SORCS3: variants seen among roughly 807,000 people sequenced by gnomAD.
The protein encoded by SORCS3 is VPS10 domain-containing receptor SorCS3.
Under a neutral mutation model 146.3 loss-of-function variants are expected in SORCS3, and 57 were observed. The observed-to-expected ratio is 0.39, with a 90% CI of 0.31 to 0.49. SORCS3 has a LOEUF of 0.49. SORCS3 is among the 20% of genes least tolerant of loss of function. The pLI is 0.92. For missense variants in SORCS3, 1,341 were observed against 1,575.5 expected, an observed-to-expected ratio of 0.85 and a Z score of 2.52; for synonymous variants, 653 against 618.5, an observed-to-expected ratio of 1.06 and a Z score of -0.83.
At chr10:104,744,571 T>C (rs1424313013) in intron 1 of SORCS3, among the ~76,000 whole-genome samples, 2 of 152,194 alleles carry the variant, frequency 1.3e-5, no homozygotes, top group Non-Finnish European at 2.9e-5. Flanking sequence ...CATTTGAAAC[T>C]TGCTTAAAAC....
At chr10:104,870,597 T>C (rs1490122688) in intron 2 of SORCS3, among the ~76,000 whole-genome samples, 1 of 152,122 alleles carries the variant, frequency 6.6e-6, no homozygotes, top group African/African-American at 2.4e-5. Flanking sequence ...GCTTTAGGTC[T>C]GAGGACAGCA....
At chr10:104,826,602 C>A (rs774481470) in intron 1 of SORCS3, among the ~76,000 whole-genome samples, 11 of 152,106 alleles carry the variant, frequency 7.2e-5, no homozygotes, top group Non-Finnish European at 1.3e-4. Flanking sequence ...ATTACCCGAG[C>A]CTTTAGTGAG....
intron 6 of SORCS3, among the ~76,000 whole-genome samples, chr10:105,093,956 A>G (rs1016445122): frequency 1.3e-5 from 2 of 152,230 alleles, no homozygotes; most frequent in African/African-American, 4.8e-5. Context: ...AGATTTATTA[A>G]TAATCACCAA....
At chr10:104,680,747 C>G (rs949485908) in intron 1 of SORCS3, among the ~76,000 whole-genome samples, 10 of 152,228 alleles carry the variant, frequency 6.6e-5, no homozygotes, top group African/African-American at 2.4e-4. Context: ...GAGGCCTTGG[C>G]CCATGACTTC....
intron 1 of SORCS3, among the ~76,000 whole-genome samples, chr10:104,736,890 C>G (rs1028825290): frequency 6.6e-6 from 1 of 151,894 alleles, no homozygotes; most frequent in Non-Finnish European, 1.5e-5. Flanking sequence ...ATTAACTCGT[C>G]ATTTAGCATT....
intron 4 of SORCS3, among the ~76,000 whole-genome samples, chr10:105,039,448 T>TCC: frequency 1.4e-5 from 2 of 140,906 alleles, no homozygotes; most frequent in South Asian, 2.3e-4. Context: ...GCTCTCTCGC[T>TCC]CTCTTTTTTT....
chr10:105,195,210 G>T (rs1270863928), intron 14 of SORCS3, among the ~76,000 whole-genome samples: 1 of 152,182 alleles, frequency 6.6e-6, no homozygotes, highest in Admixed American at 6.5e-5. Flanking sequence ...GAAGTGTGCT[G>T]TACCTATTTT....
At chr10:104,783,351 A>C (rs2017396421) in intron 1 of SORCS3, among the ~76,000 whole-genome samples, 1 of 152,202 alleles carries the variant, frequency 6.6e-6, no homozygotes, top group Admixed American at 6.5e-5. Flanking sequence ...ACCCTGGAAG[A>C]AGTGTTTGCT....
intron 20 of SORCS3, among the ~76,000 whole-genome samples, chr10:105,243,878 G>T (rs1336113631): frequency 6.6e-6 from 1 of 152,164 alleles, no homozygotes; most frequent in African/African-American, 2.4e-5. Context: ...TTACAGTAGG[G>T]ACACCATCTG....
intron 14 of SORCS3, among the ~76,000 whole-genome samples, chr10:105,195,234 T>C (rs2056537512): frequency 6.6e-6 from 1 of 152,146 alleles, no homozygotes; most frequent in Non-Finnish European, 1.5e-5. Flanking sequence ...GGTAACAGGC[T>C]CTCCTTAACT....
At chr10:104,766,473 G>A (rs1013611877) in intron 1 of SORCS3, among the ~76,000 whole-genome samples, 2 of 152,218 alleles carry the variant, frequency 1.3e-5, no homozygotes, top group African/African-American at 4.8e-5. Context: ...TGTCTCATGT[G>A]AGCTTTGTGG....
At chr10:104,708,884 C>T (rs2016380287) in intron 1 of SORCS3, among the ~76,000 whole-genome samples, 1 of 152,176 alleles carries the variant, frequency 6.6e-6, no homozygotes, top group Non-Finnish European at 1.5e-5. Flanking sequence ...TTTTTAATTG[C>T]TAGAGACTTC....
intron 2 of SORCS3, among the ~76,000 whole-genome samples, chr10:104,857,547 CCAATGATCTGATGTT>C (rs1367979129): frequency 6.6e-6 from 1 of 152,092 alleles, no homozygotes; most frequent in Non-Finnish European, 1.5e-5. Flanking sequence ...TGTAGAATGT[CCAATGATCTGATGTT>C]CAATGCATCC....
intron 6 of SORCS3, among the ~76,000 whole-genome samples, chr10:105,099,789 G>A (rs971843269): frequency 2.0e-5 from 3 of 152,160 alleles, no homozygotes; most frequent in African/African-American, 7.2e-5. Context: ...AAGGGCGTCA[G>A]ATTTTCTCCA....
At chr10:104,809,914 C>T (rs2017722053) in intron 1 of SORCS3, among the ~76,000 whole-genome samples, 1 of 152,216 alleles carries the variant, frequency 6.6e-6, no homozygotes, top group African/African-American at 2.4e-5. Context: ...TACACAGTGT[C>T]CTTTATTTGA....
At chr10:104,842,168 C>G (rs547989664) in intron 1 of SORCS3, among the ~76,000 whole-genome samples, 4 of 152,312 alleles carry the variant, frequency 2.6e-5, no homozygotes, top group Non-Finnish European at 5.9e-5. Context: ...AGAAAGTGGT[C>G]ATGGAGTCCA....
chr10:105,052,804 G>A (rs765905400), intron 5 of SORCS3, among the ~76,000 whole-genome samples: 14 of 152,104 alleles, frequency 9.2e-5, no homozygotes, highest in Non-Finnish European at 8.8e-5. Context: ...AGGCTTGGAG[G>A]CTGTTTGAAA....
In SORCS3 at chr10:104,641,568, C is replaced by A; in HGVS notation, c.241C>A (p.Leu81Met). ...GGCGTCGGCGCGGAGAGCCGCCGTG[C>A]TGGGGCGCCGGGCCGGACCAGAGCT... is the stretch of plus-strand genomic sequence containing the variant. ...ELASARRAAVLGRRAGPELLP... is the reference protein window; with the variant it reads ...ELASARRAAVMGRRAGPELLP... Residue 81 changes from leucine to methionine, a missense_variant, in exon 1 of 27, where the codon CTG (leucine) becomes ATG (methionine). By Grantham distance (15) the Leu-to-Met change is conservative. Transcript: ENST00000369701. The surrounding 1 kb of genome is among the most constrained non-coding windows in gnomAD (Gnocchi z 6.4). 2 of 1,475,620 alleles carry A rather than the reference C, an allele frequency of 1.4e-6. No individual in the cohort carries two copies. The highest frequency in any genetic ancestry group is 1.3e-5 in the South Asian group (1 of 76,398). The allele number at this position is 1,475,620 out of a possible 1,614,324, so 91.4% of individuals were successfully genotyped here.
chr10:105,057,032 A>C (rs73342205), intron 5 of SORCS3, among the ~76,000 whole-genome samples: 8,977 of 152,268 alleles, frequency 0.059, 288 homozygotes, highest in Middle Eastern at 0.088. Context: ...CACTGAATTG[A>C]TATACTCTCA....
Sources: gnomAD v4.1 joint callset for allele counts (sites outside exome capture counted in the v4.1 genomes callset) on GRCh38, gnomAD v4.1.1 for gene constraint, Gnocchi (gnomAD v3.1) non-coding constraint, MANE v1.5 for transcripts, NCBI Gene and HGNC (gene_info 2026-07-23, HGNC 2026-07-21) for gene names.